The following GPR160 variants were observed in gnomAD, a reference collection of about 807,000 sequenced individuals.
GPR160 encodes the protein probable G protein-coupled receptor 160.
Under a neutral mutation model 2.6 loss-of-function variants are expected in GPR160, and 2 were observed. That is an observed-to-expected ratio of 0.77 (90% CI 0.32 to 2.44). The LOEUF (loss-of-function observed/expected upper bound fraction) is 2.44, where lower values mean the gene tolerates loss of function less well. Ranked by LOEUF, GPR160 falls within the 30% of genes most tolerant of loss-of-function variation. GPR160 has a pLI of 0.11. For missense variants in GPR160, 351 were observed against 383.6 expected (o/e 0.91, Z 0.71); for synonymous variants, 130 against 132.2 (o/e 0.98, Z 0.12).
In GPR160 at chr3:170,079,599, C is replaced by A. The variant is rs546761743; in HGVS notation, c.-192-175C>A. 2.3e-4 allele frequency among the ~76,000 whole-genome samples: 35 copies of A among 152,244 alleles called. No individual in the cohort carries two copies. In the South Asian group the frequency reaches 5.0e-3, roughly 22 times the overall value. On this transcript the variant is annotated intron_variant, in intron 2 of 3. Transcript: ENST00000355897. ...TTTGGTGTGCTTTCAATCCAAGTAT[C>A]CCCTTTCTTCCTTTTGCAAGAAAGA...
chr3:170,053,674 T>G (rs1245351974), intron 2 of GPR160, among the ~76,000 whole-genome samples: 1 of 152,210 alleles, frequency 6.6e-6, no homozygotes, highest in Non-Finnish European at 1.5e-5. Context: ...TTTCCAATTT[T>G]AGGGGTAAAG....
intron 2 of GPR160, among the ~76,000 whole-genome samples, chr3:170,039,306 A>C (rs1488457594): frequency 6.6e-6 from 1 of 152,240 alleles, no homozygotes; most frequent in Non-Finnish European, 1.5e-5. Flanking sequence ...TGCTATGCGA[A>C]TTGCAGGGAG....
chr3:170,063,381 A>C (rs1004692620), intron 2 of GPR160: 9 of 151,858 alleles, frequency 5.9e-5, no homozygotes, highest in African/African-American at 2.2e-4. Flanking sequence ...TAAAAATACA[A>C]AAATTAGCCG....
At chr3:170,062,811 G>C in intron 2 of GPR160, 1 of 626,140 alleles carries the variant, frequency 1.6e-6, no homozygotes, top group Non-Finnish European at 2.9e-6. Flanking sequence ...AAGAATAGAT[G>C]AATTGGTTGA....
rs11923491 is a variant in GPR160, at chr3:170,081,007, G to A, written c.-69+1110G>A. Among the ~76,000 whole-genome samples the A allele has an allele frequency of 8.1e-3, 1,227 of 152,212 alleles. 15 individuals are homozygous for A. Among genetic ancestry groups the A allele is most frequent in the African/African-American group, 0.028 (1,176 of 41,524 alleles). On this transcript the variant is annotated intron_variant, in intron 3 of 3. Transcript: ENST00000355897. ...TGAGCCACGGCCCCCAGCCTGACTT[G>A]GCTTTCCTTACTTAATTTAGAACAG...
At chr3:170,056,205 G>A (rs969563488) in intron 2 of GPR160, among the ~76,000 whole-genome samples, 56 of 152,232 alleles carry the variant, frequency 3.7e-4, no homozygotes, top group African/African-American at 1.3e-3. Context: ...ATGACGAGGT[G>A]AATATATGTG....
At chr3:170,054,022 TAGTTC>T (rs1230544050) in intron 2 of GPR160, among the ~76,000 whole-genome samples, 3 of 152,020 alleles carry the variant, frequency 2.0e-5, no homozygotes, top group African/African-American at 7.2e-5. Flanking sequence ...CATGGAATAT[TAGTTC>T]AGGAACATGA....
At chr3:170,048,357 T>C (rs1171607181) in intron 2 of GPR160, among the ~76,000 whole-genome samples, 1 of 152,168 alleles carries the variant, frequency 6.6e-6, no homozygotes, top group African/African-American at 2.4e-5. Flanking sequence ...TCCTAGACTT[T>C]ACCACTGTAC....
intron 2 of GPR160, among the ~76,000 whole-genome samples, chr3:170,046,855 T>C (rs1716744894): frequency 6.6e-6 from 1 of 152,188 alleles, no homozygotes. Context: ...AATGAGAACA[T>C]GGAATGGCCT....
intron 2 of GPR160, among the ~76,000 whole-genome samples, chr3:170,075,601 G>A (rs1487640419): frequency 6.6e-6 from 1 of 152,184 alleles, no homozygotes; most frequent in African/African-American, 2.4e-5. Context: ...GTACCATCTG[G>A]AATGCATTGC....
At chr3:170,048,332 A>G (rs1716817076) in intron 2 of GPR160, among the ~76,000 whole-genome samples, 1 of 152,204 alleles carries the variant, frequency 6.6e-6, no homozygotes, top group Non-Finnish European at 1.5e-5. Flanking sequence ...TACCTGGGTG[A>G]TGAGTACTCT....
Position 170,045,408 on chromosome 3 carries a change from C to CAAAAAAAAAAAAAAAAA in GPR160, c.-193+6388_-193+6404dup, listed in dbSNP as rs368019452. Among the ~76,000 whole-genome samples, 30 of 33,658 alleles carry CAAAAAAAAAAAAAAAAA rather than the reference C, an allele frequency of 8.9e-4. 9 individuals are homozygous for CAAAAAAAAAAAAAAAAA. The highest frequency in any genetic ancestry group is 1.2e-3 in the Non-Finnish European group (22 of 18,160). 22.1% of individuals were successfully genotyped at this position (33,658 alleles called of 152,430 possible). A position where few individuals can be genotyped will look rare whatever the true frequency, so the allele number is the denominator to read the frequency against. On this transcript the variant is annotated intron_variant, in intron 2 of 3. Coordinates refer to ENST00000355897, the MANE Select transcript of GPR160 (RefSeq NM_014373.3). ...TGAAACCCTGTCTCTACTAAAAATA[C>CAAAAAAAAAAAAAAAAA]AAAAAAAAAAAAAAAAAAAAAAAAA... is the stretch of plus-strand genomic sequence containing the variant.
chr3:170,082,915 A>AAT (rs1553770196), intron 3 of GPR160, among the ~76,000 whole-genome samples: 3 of 150,656 alleles, frequency 2.0e-5, no homozygotes, highest in Non-Finnish European at 4.4e-5. Context: ...GTTTTGAACC[A>AAT]ATCTCCAGTT....
At chr3:170,063,689 G>A (rs971510566) in intron 2 of GPR160, among the ~76,000 whole-genome samples, 2 of 152,026 alleles carry the variant, frequency 1.3e-5, no homozygotes, top group East Asian at 3.9e-4. Flanking sequence ...GGAAGACGCT[G>A]TCTCCCAAAG....
chr3:170,045,568 C>T (rs1227880744), intron 2 of GPR160, among the ~76,000 whole-genome samples: 3 of 149,406 alleles, frequency 2.0e-5, no homozygotes, highest in African/African-American at 2.5e-5. Context: ...CTAGCCTGGG[C>T]GACAGAGCAA....
At position 170,085,024 on chromosome 3, in the gene GPR160, C is replaced by A; in HGVS notation, c.*35C>A. 1 of 1,150,396 alleles carries A rather than the reference C, an allele frequency of 8.7e-7. No homozygotes were observed. Among genetic ancestry groups the A allele is most frequent in the South Asian group, 1.8e-5 (1 of 56,456 alleles). 71.3% of individuals were successfully genotyped at this position (1,150,396 alleles called of 1,614,324 possible). On this transcript the variant is annotated 3_prime_UTR_variant, in exon 4 of 4. Transcript: ENST00000355897. ...TTAAAAGTTACAGCTGTCATAAGAT[C>A]ATAATTTTATGAACAGAAAGAACTC...
At chr3:170,045,405 ATAC>A (rs1165301698) in intron 2 of GPR160, among the ~76,000 whole-genome samples, 1 of 96,338 alleles carries the variant, frequency 1.0e-5, no homozygotes, top group African/African-American at 4.1e-5. Context: ...TCTACTAAAA[ATAC>A]AAAAAAAAAA....
intron 3 of GPR160, among the ~76,000 whole-genome samples, chr3:170,081,210 C>T (rs1222815574): frequency 4.6e-5 from 7 of 152,072 alleles, no homozygotes. Flanking sequence ...AGGGGGACTT[C>T]ATATGGTCTT....
intron 2 of GPR160, among the ~76,000 whole-genome samples, chr3:170,043,366 G>T (rs959095084): frequency 1.3e-5 from 2 of 152,064 alleles, no homozygotes; most frequent in African/African-American, 4.8e-5. Flanking sequence ...ATATTTAGTA[G>T]AGACAAGGTT....
Sources: allele counts gnomAD v4.1 joint callset (sites outside exome capture counted in the v4.1 genomes callset), GRCh38; gene constraint gnomAD v4.1.1; transcripts MANE v1.5; gene names NCBI Gene and HGNC (gene_info 2026-07-23, HGNC 2026-07-21).